CDH12: variants seen among roughly 807,000 people sequenced by gnomAD.
CDH12 encodes the protein cadherin 12, also known as cadherin-12.
Under a neutral mutation model 74.1 loss-of-function variants are expected in CDH12, and 41 were observed. The ratio of observed to expected loss-of-function variants is 0.55; its 90% CI spans 0.43 to 0.72. The LOEUF (loss-of-function observed/expected upper bound fraction) is 0.72. Ranked by LOEUF, CDH12 falls within the 30% of genes least tolerant of loss-of-function variation. CDH12 has a pLI of 0.00. For missense variants in CDH12, 945 were observed against 977.2 expected (o/e 0.97, Z 0.44); for synonymous variants, 399 against 355.0 (o/e 1.12, Z -1.39).
Position 21,892,772 on chromosome 5 carries a change from T to C in CDH12, c.527-37982A>G, listed in dbSNP as rs547914736. On this transcript the variant is annotated intron_variant, in intron 6 of 14. Coordinates refer to ENST00000382254, the MANE Select transcript of CDH12 (RefSeq NM_004061.5). ...TCCTCCTTAAAAAAATCTGTGATGC[T>C]GCCTGATTTGGTTTCAGGAAAAGCA... Among the ~76,000 whole-genome samples the C allele has an allele frequency of 1.1e-4, 17 of 152,312 alleles. No homozygotes were observed. In the South Asian group the frequency reaches 3.3e-3, roughly 30 times the overall value.
At chr5:22,021,401 G>A (rs1475111321) in intron 5 of CDH12, among the ~76,000 whole-genome samples, 2 of 152,184 alleles carry the variant, frequency 1.3e-5, no homozygotes, top group Non-Finnish European at 2.9e-5. Context: ...GAATAGAGCA[G>A]TCAAAAATGT....
intron 3 of CDH12, among the ~76,000 whole-genome samples, chr5:22,234,787 A>C (rs1259234284): frequency 1.3e-5 from 2 of 152,106 alleles, no homozygotes; most frequent in Non-Finnish European, 2.9e-5. Flanking sequence ...GAAATTCACT[A>C]AACTCAGATG....
chr5:22,018,252 T>C (rs1412039483), intron 5 of CDH12, among the ~76,000 whole-genome samples: 1 of 152,128 alleles, frequency 6.6e-6, no homozygotes, highest in Non-Finnish European at 1.5e-5. Flanking sequence ...GATAAAGACT[T>C]ATGAGTGCTA....
chr5:21,989,896 G>C (rs1038559516), intron 5 of CDH12, among the ~76,000 whole-genome samples: 2 of 152,056 alleles, frequency 1.3e-5, no homozygotes, highest in African/African-American at 4.8e-5. Flanking sequence ...ACCCTTAAAT[G>C]GATGTTAACT....
intron 11 of CDH12, among the ~76,000 whole-genome samples, chr5:21,766,594 G>A (rs1439288587): frequency 6.6e-6 from 1 of 151,784 alleles, no homozygotes; most frequent in African/African-American, 2.4e-5. Flanking sequence ...ATAAATTTTG[G>A]TAAATATCAT....
At chr5:22,452,031 G>A (rs1332096575) in intron 2 of CDH12, among the ~76,000 whole-genome samples, 3 of 151,648 alleles carry the variant, frequency 2.0e-5, no homozygotes, top group South Asian at 2.1e-4. Context: ...GTGAAATATC[G>A]CTATAATGAA....
intron 3 of CDH12, among the ~76,000 whole-genome samples, chr5:22,228,061 T>A (rs1752254746): frequency 6.6e-6 from 1 of 152,108 alleles, no homozygotes; most frequent in Non-Finnish European, 1.5e-5. Context: ...CTTCTCCAAA[T>A]GTAAGTTTTA....
intron 4 of CDH12, among the ~76,000 whole-genome samples, chr5:22,152,546 T>A (rs1747666164): frequency 6.6e-6 from 1 of 152,154 alleles, no homozygotes; most frequent in African/African-American, 2.4e-5. Flanking sequence ...CAACATGAAA[T>A]TTTGAAACAT....
At chr5:21,998,971 G>C (rs1330381538) in intron 5 of CDH12, among the ~76,000 whole-genome samples, 1 of 152,136 alleles carries the variant, frequency 6.6e-6, no homozygotes, top group African/African-American at 2.4e-5. Flanking sequence ...TACCACAAAT[G>C]AAAGTATTTC....
chr5:22,048,922 G>A (rs912346842), intron 5 of CDH12, among the ~76,000 whole-genome samples: 1 of 151,980 alleles, frequency 6.6e-6, no homozygotes, highest in African/African-American at 2.4e-5. Context: ...CAACAATGAT[G>A]ATATAGAAAT....
intron 1 of CDH12, among the ~76,000 whole-genome samples, chr5:22,838,110 CCTTG>C (rs1736914127): frequency 6.6e-6 from 1 of 152,158 alleles, no homozygotes; most frequent in Non-Finnish European, 1.5e-5. Flanking sequence ...CCCAGCTTGT[CCTTG>C]CTTTGCCATT....
chr5:22,437,218 C>T (rs1309483296), intron 2 of CDH12, among the ~76,000 whole-genome samples: 4 of 151,308 alleles, frequency 2.6e-5, no homozygotes, highest in Admixed American at 1.3e-4. Context: ...CTGTTTTTAC[C>T]TAAATTAAAT....
chr5:22,519,261 A>T (rs1006189922), intron 1 of CDH12, among the ~76,000 whole-genome samples: 2 of 152,044 alleles, frequency 1.3e-5, no homozygotes, highest in East Asian at 1.9e-4. Flanking sequence ...ATGTTTTTTT[A>T]AAAGTATCTA....
intron 5 of CDH12, among the ~76,000 whole-genome samples, chr5:21,994,993 C>A (rs1220170944): frequency 2.0e-5 from 3 of 152,100 alleles, no homozygotes; most frequent in Admixed American, 1.3e-4. Context: ...TGCTGCTGCT[C>A]ACTCTTTGGG....
intron 10 of CDH12, 152 bp from the exon 11 acceptor site, chr5:21,783,646 C>T (rs1208891780): frequency 1.6e-6 from 1 of 616,556 alleles, no homozygotes; most frequent in East Asian, 2.7e-5. Context: ...TTCTTTATTG[C>T]AAAGTCAGTA....
intron 1 of CDH12, among the ~76,000 whole-genome samples, chr5:22,693,926 A>T (rs1039075710): frequency 3.3e-5 from 5 of 151,896 alleles, no homozygotes; most frequent in African/African-American, 1.2e-4. Flanking sequence ...AATTTAAAAA[A>T]AAAATTATTT....
At chr5:22,399,251 T>G (rs74963009) in intron 3 of CDH12, among the ~76,000 whole-genome samples, 5,503 of 151,934 alleles carry the variant, frequency 0.036, 113 homozygotes, top group African/African-American at 0.055. Context: ...AAACAAGTAG[T>G]GTAACATTTT....
At position 22,112,900 on chromosome 5, in the gene CDH12, C is replaced by T. The variant is rs114251379; in HGVS notation, c.-186-34038G>A. On this transcript the variant is annotated intron_variant, in intron 4 of 14. Coordinates refer to ENST00000382254, the MANE Select transcript of CDH12 (RefSeq NM_004061.5). Reference sequence around the variant, plus strand: ...AGGGGCAGTTTAACAGAACGTTCATCTTATAATGTGAGAGAATATAAGCAA... The same window carrying T: ...AGGGGCAGTTTAACAGAACGTTCATTTTATAATGTGAGAGAATATAAGCAA... Among the ~76,000 whole-genome samples, 802 of 152,240 alleles carry T rather than the reference C, an allele frequency of 5.3e-3. 7 individuals carry two copies. The highest frequency in any genetic ancestry group is 0.018 in the African/African-American group (756 of 41,560).
intron 6 of CDH12, among the ~76,000 whole-genome samples, chr5:21,887,897 T>C (rs892352064): frequency 8.3e-6 from 1 of 120,006 alleles, no homozygotes; most frequent in Middle Eastern, 4.0e-3. Flanking sequence ...TAAGCAAGAA[T>C]TGCCCCAATA....
Sources: gnomAD v4.1 joint callset for allele counts (sites outside exome capture counted in the v4.1 genomes callset) on GRCh38, gnomAD v4.1.1 for gene constraint, MANE v1.5 for transcripts, NCBI Gene and HGNC (gene_info 2026-07-23, HGNC 2026-07-21) for gene names.